Variants in PKP3 observed in about 807,000 individuals in gnomAD.
PKP3 encodes plakophilin-3.
PKP3 carries 66 observed loss-of-function variants against 76.5 expected under a neutral mutation model. The observed-to-expected ratio is 0.86, with a 90% CI of 0.71 to 1.06. PKP3 has a LOEUF of 1.06. Among genes scored for constraint, PKP3 ranks in the 50% least tolerant of loss-of-function variants. The pLI is 0.00. For missense variants in PKP3, 1,338 were observed against 1,141.0 expected (o/e 1.17, Z -2.49); for synonymous variants, 638 against 516.5 (o/e 1.24, Z -3.19).
rs767775391 is a variant in PKP3 at position 397,312 on chromosome 11, G to C, written c.811G>C (p.Val271Leu). ...GGTAGGCGGGGCAGTGCCGGGGGCCGTCCTGGAGCCAGTGGCTCGAGCGCC... is the reference window on the plus strand; with the variant it reads ...GGTAGGCGGGGCAGTGCCGGGGGCCCTCCTGGAGCCAGTGGCTCGAGCGCC... ...RGVGGAVPGA[V>L]LEPVARAPSV... Residue 271 changes from valine to leucine, a missense_variant, in exon 3 of 13, where the codon GTC (valine) becomes CTC (leucine). By Grantham distance (32) the Val-to-Leu change is conservative. Transcript: ENST00000331563. The C allele has an allele frequency of 1.3e-6, 2 of 1,591,108 alleles. No homozygotes were observed. Among genetic ancestry groups the C allele is most frequent in the South Asian group, 1.1e-5 (1 of 89,318 alleles).
At position 404,143 on chromosome 11, in the gene PKP3, C is replaced by A. The variant is rs770086736; in HGVS notation, c.2270+8C>A. Reference sequence around the variant, plus strand: ...CAAGAAGAAGCGGGACAGGTAGGGGCCGACCCAGCCGTGCAGCAGCCTGGT... The same window carrying A: ...CAAGAAGAAGCGGGACAGGTAGGGGACGACCCAGCCGTGCAGCAGCCTGGT... On this transcript the variant is annotated splice_region_variant and intron_variant, in intron 11 of 12. Coordinates refer to ENST00000331563, the MANE Select transcript of PKP3 (RefSeq NM_007183.4). This position sits in a 1 kb window ranked among gnomAD's most constrained non-coding sequence, Gnocchi z 4.2. The A allele has an allele frequency of 3.1e-6, 5 of 1,607,958 alleles. No homozygotes were observed. In the South Asian group the frequency reaches 5.5e-5, roughly 18 times the overall value.
intron 1 of PKP3, among the ~76,000 whole-genome samples, 199 bp downstream of exon 1, chr11:394,723 C>A (rs972349168): frequency 2.0e-5 from 3 of 152,222 alleles, no homozygotes; most frequent in Admixed American, 2.0e-4. Flanking sequence ...ACCCCGGGGT[C>A]CTCCAAAGAC....
At position 403,103 on chromosome 11, in the gene PKP3, C is replaced by A; in HGVS notation, c.1763C>A (p.Thr588Asn). The part of the protein sequence containing the change: ...RELPLAADAL[T>N]FAEVSKDPKG... Reference sequence around the variant, plus strand: ...CTGCCCCTCGCCGCCGATGCGCTCACCTTCGCGGAGGTGTCCAAGGACCCC... The same window carrying A: ...CTGCCCCTCGCCGCCGATGCGCTCAACTTCGCGGAGGTGTCCAAGGACCCC... Residue 588 changes from threonine (T) to asparagine (N), a missense_variant, in exon 9 of 13, where the codon ACC (threonine) becomes AAC (asparagine). Physicochemically the swap from Thr to Asn is moderately conservative, Grantham distance 65. Coordinates refer to ENST00000331563, the MANE Select transcript of PKP3 (RefSeq NM_007183.4). 6.5e-7 allele frequency: 1 copy of A among 1,534,834 alleles called. No individual in the cohort carries two copies.
In PKP3 at chr11:394,379, C is replaced by T; in HGVS notation, c.87C>T (p.Asp29=). The T allele has an allele frequency of 6.7e-7, 1 of 1,496,306 alleles. No individual in the cohort carries two copies. The highest frequency in any genetic ancestry group is 8.8e-7 in the Non-Finnish European group (1 of 1,130,802). The allele number at this position is 1,496,306 out of a possible 1,614,324, so 92.7% of individuals were successfully genotyped here. ...SLALPSDLQL[D]RRGAEGPEAE... is the part of the protein sequence containing the mutation. ...CGCTGCCCTCTGACCTGCAGCTGGA[C>T]CGCCGGGGCGCCGAGGGGCCGGAGG... The change falls in exon 1 of 13, where the codon GAC becomes GAT. Residue 29 remains aspartate (D), a synonymous_variant. Transcript: ENST00000331563.
rs554635370 is a variant in PKP3, at chr11:397,066, G to A, written c.565G>A (p.Gly189Arg). Residue 189 changes from glycine (G) to arginine (R), a missense_variant, in exon 3 of 13, where the codon GGG becomes AGG. By Grantham distance (125) the Gly-to-Arg change is moderately radical. Transcript: ENST00000331563. ...CCTGCGCTCGCTGCGGCTGGGGCCC[G>A]GGGGCCTGGACGACCGCTACAGCCT... ...LSLRSLRLGP[G>R]GLDDRYSLVS... The A allele has an allele frequency of 4.7e-5, 75 of 1,598,482 alleles. No individual in the cohort carries two copies. The highest frequency in any genetic ancestry group is 6.7e-5 in the East Asian group (3 of 44,870).
Position 403,604 on chromosome 11 carries a change from C to CT in PKP3, c.1924-13dup. 1 of 1,601,198 alleles carries CT rather than the reference C, an allele frequency of 6.2e-7. No individual in the cohort carries two copies. The highest frequency in any genetic ancestry group is 8.5e-7 in the Non-Finnish European group (1 of 1,178,776). The stretch of plus-strand genomic sequence containing the variant: ...AGGCCTCCGGGTCACGGCTCACACC[C>CT]TCCCTCCCCACAGTGGGCGGGGGTG... On this transcript the variant is annotated splice_polypyrimidine_tract_variant and intron_variant, in intron 9 of 12. Coordinates refer to ENST00000331563, the MANE Select transcript of PKP3 (RefSeq NM_007183.4).
rs773047562 is a variant in PKP3, at chr11:403,121, A to G, written c.1781A>G (p.Lys594Arg). Reference protein sequence around the residue: ...ADALTFAEVSKDPKGLEWLWS... With the variant: ...ADALTFAEVSRDPKGLEWLWS... ...GCGCTCACCTTCGCGGAGGTGTCCA[A>G]GGACCCCAAGGGCCTCGAGTGGCTG... The change falls in exon 9 of 13, where the codon AAG (lysine) becomes AGG (arginine). Residue 594 changes from lysine to arginine, a missense_variant. Physicochemically the swap from Lys to Arg is conservative, Grantham distance 26. Transcript: ENST00000331563. 4.5e-6 allele frequency: 7 copies of G among 1,562,738 alleles called. No individual in the cohort carries two copies. In the Admixed American group the frequency reaches 1.1e-4, roughly 25 times the overall value.
Position 404,152 on chromosome 11 carries a change from C to A in PKP3, c.2270+17C>A. The A allele has an allele frequency of 6.2e-7, 1 of 1,607,670 alleles. No homozygotes were observed. The highest frequency in any genetic ancestry group is 1.7e-5 in the Admixed American group (1 of 59,738). On this transcript the variant is annotated intron_variant, in intron 11 of 12. Transcript: ENST00000331563. The surrounding 1 kb of genome is among the most constrained non-coding windows in gnomAD (Gnocchi z 4.2). ...GCGGGACAGGTAGGGGCCGACCCAG[C>A]CGTGCAGCAGCCTGGTCAGGGGTCC...
At position 404,157 on chromosome 11, in the gene PKP3, C is replaced by T. The variant is rs1340212415; in HGVS notation, c.2270+22C>T. The T allele has an allele frequency of 4.4e-6, 7 of 1,607,662 alleles. No homozygotes were observed. Among genetic ancestry groups the T allele is most frequent in the Non-Finnish European group, 5.9e-6 (7 of 1,176,506 alleles). ...ACAGGTAGGGGCCGACCCAGCCGTGCAGCAGCCTGGTCAGGGGTCCTCCCA... is the reference window on the plus strand; with the variant it reads ...ACAGGTAGGGGCCGACCCAGCCGTGTAGCAGCCTGGTCAGGGGTCCTCCCA... On this transcript the variant is annotated intron_variant, in intron 11 of 12. Coordinates refer to ENST00000331563, the MANE Select transcript of PKP3 (RefSeq NM_007183.4). The surrounding 1 kb of genome is among the most constrained non-coding windows in gnomAD (Gnocchi z 4.2).
At chr11:394,140 C>A, upstream of PKP3, 2 of 1,224,038 alleles carry the variant, frequency 1.6e-6, no homozygotes, top group Non-Finnish European at 1.1e-6. Context: ...CCGCCCCCAG[C>A]TGCGCTCAGG....
rs7395645 is a variant in PKP3, at chr11:398,834, C to G, written c.1069-158C>G. ...CACCTCCGTACCCCCGCACACACCT[C>G]CGTCACCTCCCTACCGCCGCACACA... On this transcript the variant is annotated intron_variant, in intron 4 of 12. Coordinates refer to ENST00000331563, the MANE Select transcript of PKP3 (RefSeq NM_007183.4). Among the ~76,000 whole-genome samples, 245 of 112,986 alleles carry G rather than the reference C, an allele frequency of 2.2e-3. 1 individual carries two copies. Among genetic ancestry groups the G allele is most frequent in the South Asian group, 7.1e-3 (22 of 3,112 alleles). The allele number at this position is 112,986 out of a possible 152,430, so 74.1% of individuals were successfully genotyped here.
rs1004536865 is a variant in PKP3 at position 404,069 on chromosome 11, C to T, written c.2204C>T (p.Ala735Val). The T allele has an allele frequency of 2.5e-6, 4 of 1,612,414 alleles. No homozygotes were observed. The highest frequency in any genetic ancestry group is 3.3e-5 in the Admixed American group (2 of 59,972). ...LNNLVVASPIAARDLLYFDGL... is the reference protein window; with the variant it reads ...LNNLVVASPIVARDLLYFDGL... ...AACCTGGTGGTGGCCAGCCCCATCG[C>T]TGCCCGAGACCTGCTGTATTTTGAC... The change falls in exon 11 of 13, where the codon GCT becomes GTT. Residue 735 changes from alanine to valine, a missense_variant. Ala to Val is a moderately conservative substitution (Grantham distance 64). Coordinates refer to ENST00000331563, the MANE Select transcript of PKP3 (RefSeq NM_007183.4). This position sits in a 1 kb window ranked among gnomAD's most constrained non-coding sequence, Gnocchi z 4.2.
chr11:397,178 C>A lies in PKP3; in HGVS notation c.677C>A (p.Ala226Glu), dbSNP rs770016033. ...CAGGCCAGCTCCAGCTCCAGCCGGG[C>A]AGGGGGGCTGGACTGGCCCGAGGCC... ...ERQASSSSSR[A>E]GGLDWPEATE... The change falls in exon 3 of 13, where the codon GCA becomes GAA. Residue 226 changes from alanine (A) to glutamate (E), a missense_variant. Coordinates refer to ENST00000331563, the MANE Select transcript of PKP3 (RefSeq NM_007183.4). The A allele has an allele frequency of 6.3e-7, 1 of 1,598,114 alleles. No homozygotes were observed. The highest frequency in any genetic ancestry group is 1.7e-4 in the Middle Eastern group (1 of 6,016).
At chr11:396,506 C>A in intron 1 of PKP3, 102 bp from the exon 2 acceptor site, 1 of 779,714 alleles carries the variant, frequency 1.3e-6, no homozygotes, top group South Asian at 1.9e-5. Flanking sequence ...GGATTGGAGG[C>A]TGCTCCTAGG....
chr11:403,778 C>G lies in PKP3; in HGVS notation c.2077+7C>G, dbSNP rs779303272. ...AGGAACAAGGACGAGATGTGTGAGT[C>G]GGGCAGCCCCTCGTCCCTGCCCTGC... On this transcript the variant is annotated splice_region_variant and intron_variant, in intron 10 of 12. Transcript: ENST00000331563. 1 of 1,604,664 alleles carries G rather than the reference C, an allele frequency of 6.2e-7. No homozygotes were observed. Among genetic ancestry groups the G allele is most frequent in the South Asian group, 1.1e-5 (1 of 91,060 alleles).
chr11:404,078 A>T lies in PKP3; in HGVS notation c.2213A>T (p.Asp738Val). Reference protein sequence around the residue: ...LVVASPIAARDLLYFDGLRKL... With the variant: ...LVVASPIAARVLLYFDGLRKL... ...GTGGCCAGCCCCATCGCTGCCCGAG[A>T]CCTGCTGTATTTTGACGGACTCCGA... The change falls in exon 11 of 13, where the codon GAC (aspartate) becomes GTC (valine). Residue 738 changes from aspartate to valine, a missense_variant. Asp to Val is a radical substitution (Grantham distance 152, BLOSUM62 -3). Transcript: ENST00000331563. The surrounding 1 kb of genome is among the most constrained non-coding windows in gnomAD (Gnocchi z 4.2). The T allele has an allele frequency of 6.2e-7, 1 of 1,612,406 alleles. No homozygotes were observed. Among genetic ancestry groups the T allele is most frequent in the Non-Finnish European group, 8.5e-7 (1 of 1,179,754 alleles).
Position 397,195 on chromosome 11 carries a change from C to G in PKP3, c.694C>G (p.Pro232Ala). The change falls in exon 3 of 13, where the codon CCC becomes GCC. Residue 232 changes from proline to alanine, a missense_variant. Physicochemically the swap from Pro to Ala is conservative, Grantham distance 27. Coordinates refer to ENST00000331563, the MANE Select transcript of PKP3 (RefSeq NM_007183.4). ...CAGCCGGGCAGGGGGGCTGGACTGG[C>G]CCGAGGCCACTGAGGTTTCCCCGAG... ...SSSRAGGLDWPEATEVSPSRT... is the reference protein window; with the variant it reads ...SSSRAGGLDWAEATEVSPSRT... The G allele has an allele frequency of 1.9e-6, 3 of 1,598,266 alleles. No homozygotes were observed. Among genetic ancestry groups the G allele is most frequent in the Non-Finnish European group, 1.7e-6 (2 of 1,179,152 alleles).
chr11:395,189 C>T (rs776869453), intron 1 of PKP3, among the ~76,000 whole-genome samples: 8 of 152,312 alleles, frequency 5.3e-5, no homozygotes, highest in South Asian at 4.1e-4. Flanking sequence ...GGAGCACAGA[C>T]GCTGTGAGTT....
chr11:393,208 G>A (rs899745793), upstream of PKP3, among the ~76,000 whole-genome samples: 1 of 151,728 alleles, frequency 6.6e-6, no homozygotes, highest in East Asian at 1.9e-4. Context: ...GCCCTGCTTG[G>A]TCCAGGGCCC....
Sources: allele counts gnomAD v4.1 joint callset (sites outside exome capture counted in the v4.1 genomes callset), GRCh38; gene constraint gnomAD v4.1.1; non-coding constraint Gnocchi (gnomAD v3.1); transcripts MANE v1.5; gene names NCBI Gene and HGNC (gene_info 2026-07-23, HGNC 2026-07-21).